CEMIP: variants seen among roughly 807,000 people sequenced by gnomAD.
CEMIP encodes the protein cell migration-inducing and hyaluronan-binding protein.
A neutral mutation model predicts 156.9 loss-of-function variants in CEMIP; 105 were observed. The observed-to-expected ratio is 0.67, with a 90% CI of 0.57 to 0.79. The LOEUF (loss-of-function observed/expected upper bound fraction) is 0.79. Ranked by LOEUF, CEMIP falls within the 30% of genes least tolerant of loss-of-function variation. CEMIP has a pLI of 0.00. For missense variants in CEMIP, 1,457 were observed against 1,769.4 expected, an observed-to-expected ratio of 0.82 and a Z score of 3.17; for synonymous variants, 676 against 668.4, an observed-to-expected ratio of 1.01 and a Z score of -0.17.
chr15:80,942,846 G>A, intron 27 of CEMIP, 99 bp from the exon 28 acceptor site: 1 of 1,382,500 alleles, frequency 7.2e-7, no homozygotes, highest in South Asian at 1.2e-5. Flanking sequence ...AGATGCATAG[G>A]CAACTTCTGC....
rs559044593 is a variant in CEMIP, at chr15:80,860,145, CT to C, written c.-175-13392del. Among the ~76,000 whole-genome samples the C allele has an allele frequency of 5.9e-5, 9 of 152,374 alleles. No individual in the cohort carries two copies. The East Asian group carries it at 1.5e-3, about 26-fold the overall frequency. ...GAGTCTCTCCAGTGCTTCATTCCCC[CT>C]GTTCCTTCATTTAATTTGGAAAGTG... is the stretch of plus-strand genomic sequence containing the variant. On this transcript the variant is annotated intron_variant, in intron 1 of 29. Coordinates refer to ENST00000394685, the MANE Select transcript of CEMIP (RefSeq NM_001293298.2).
At chr15:80,900,618 G>GTC (rs1899456904) in intron 12 of CEMIP, among the ~76,000 whole-genome samples, 1 of 144,890 alleles carries the variant, frequency 6.9e-6, no homozygotes, top group African/African-American at 2.7e-5. Flanking sequence ...GTGTGTGTGT[G>GTC]TGTGTGTGTG....
chr15:80,853,218 T>C (rs1050606932), intron 1 of CEMIP, among the ~76,000 whole-genome samples: 4 of 151,962 alleles, frequency 2.6e-5, no homozygotes, highest in Non-Finnish European at 5.9e-5. Context: ...TGGTTGCAAG[T>C]AAGAGAAACC....
At chr15:80,935,273 C>A (rs1488495811) in intron 23 of CEMIP, among the ~76,000 whole-genome samples, 1 of 152,138 alleles carries the variant, frequency 6.6e-6, no homozygotes, top group African/African-American at 2.4e-5. Flanking sequence ...TGAAGGATGA[C>A]CAAACCCTCA....
intron 3 of CEMIP, 99 bp from the exon 4 acceptor site, chr15:80,878,622 G>A: frequency 6.7e-7 from 1 of 1,488,058 alleles, no homozygotes; most frequent in African/African-American, 1.4e-5. Flanking sequence ...AGAGGAGGTA[G>A]GGGCCTTAAA....
chr15:80,797,792 C>T (rs1467849696), intron 1 of CEMIP, among the ~76,000 whole-genome samples: 3 of 152,210 alleles, frequency 2.0e-5, no homozygotes, highest in Admixed American at 2.0e-4. Flanking sequence ...AGAAAGAAGT[C>T]CTGCAGCTTC....
At chr15:80,889,874 T>A (rs1292051633) in intron 10 of CEMIP, among the ~76,000 whole-genome samples, 1 of 152,156 alleles carries the variant, frequency 6.6e-6, no homozygotes, top group East Asian at 1.9e-4. Context: ...CAGGGATGGG[T>A]TTGGACTCCC....
At chr15:80,878,070 G>C (rs1898530614) in intron 3 of CEMIP, among the ~76,000 whole-genome samples, 1 of 152,212 alleles carries the variant, frequency 6.6e-6, no homozygotes, top group Non-Finnish European at 1.5e-5. Flanking sequence ...CTCCGTAGAT[G>C]TAACTTTCAG....
chr15:80,909,759 G>T, intron 14 of CEMIP: 1 of 394,258 alleles, frequency 2.5e-6, no homozygotes, highest in South Asian at 1.8e-5. Flanking sequence ...AGTGCTGCTG[G>T]GAGAAATACT....
At chr15:80,925,848 G>A in intron 19 of CEMIP, 93 bp downstream of exon 19, 1 of 1,512,506 alleles carries the variant, frequency 6.6e-7, no homozygotes, top group Admixed American at 1.9e-5. Flanking sequence ...AGCAGAGAGG[G>A]GAAGCCAGAC....
chr15:80,866,934 G>C (rs929249340), intron 1 of CEMIP, among the ~76,000 whole-genome samples: 1 of 152,060 alleles, frequency 6.6e-6, no homozygotes, highest in African/African-American at 2.4e-5. Context: ...TTCCTCCCAA[G>C]CAAGCAGAGT....
intron 6 of CEMIP, among the ~76,000 whole-genome samples, chr15:80,882,636 G>A (rs1898700023): frequency 6.6e-6 from 1 of 152,206 alleles, no homozygotes; most frequent in Admixed American, 6.5e-5. Flanking sequence ...ATGCTGTAGA[G>A]ATGGCAAGGA....
chr15:80,902,384 C>T (rs191004021), intron 12 of CEMIP, among the ~76,000 whole-genome samples: 7 of 152,280 alleles, frequency 4.6e-5, no homozygotes, highest in Admixed American at 1.3e-4. Flanking sequence ...TTGGGCTTCA[C>T]GTATCAGTAC....
At chr15:80,852,955 T>A (rs1309172649) in intron 1 of CEMIP, among the ~76,000 whole-genome samples, 1 of 152,208 alleles carries the variant, frequency 6.6e-6, no homozygotes. Flanking sequence ...ACCATCATCA[T>A]GAGTCCTTCA....
intron 1 of CEMIP, among the ~76,000 whole-genome samples, chr15:80,812,556 G>A (rs1389759818): frequency 6.6e-6 from 1 of 152,132 alleles, no homozygotes; most frequent in Non-Finnish European, 1.5e-5. Context: ...TTTTTGTCAA[G>A]CGTAGTAACA....
chr15:80,787,580 AC>A (rs1895972003), intron 1 of CEMIP, among the ~76,000 whole-genome samples: 1 of 152,176 alleles, frequency 6.6e-6, no homozygotes. Flanking sequence ...ACATACTAAA[AC>A]AAAGACTGAC....
intron 1 of CEMIP, among the ~76,000 whole-genome samples, 190 bp downstream of exon 1, chr15:80,779,804 G>A (rs1263708954): frequency 6.6e-6 from 1 of 152,228 alleles, no homozygotes; most frequent in African/African-American, 2.4e-5. Flanking sequence ...GTCTGTTGAT[G>A]GGCACACGCT....
intron 1 of CEMIP, among the ~76,000 whole-genome samples, chr15:80,794,746 G>A (rs1349492001): frequency 6.6e-6 from 1 of 152,110 alleles, no homozygotes; most frequent in African/African-American, 2.4e-5. Flanking sequence ...GGCGGCTAGT[G>A]GAACAGTGTA....
chr15:80,781,083 C>A (rs1247289448), intron 1 of CEMIP, among the ~76,000 whole-genome samples: 4 of 152,178 alleles, frequency 2.6e-5, no homozygotes, highest in African/African-American at 9.7e-5. Context: ...GAAAGTATGG[C>A]CCCTGAGAAT....
Sources: gnomAD v4.1 joint callset for allele counts (sites outside exome capture counted in the v4.1 genomes callset) on GRCh38, gnomAD v4.1.1 for gene constraint, MANE v1.5 for transcripts, NCBI Gene and HGNC (gene_info 2026-07-23, HGNC 2026-07-21) for gene names.